ARFGEF2: variants seen among roughly 807,000 people sequenced by gnomAD.
The protein encoded by ARFGEF2 is ARF guanine nucleotide exchange factor 2.
ARFGEF2 carries 74 observed loss-of-function variants against 219.9 expected under a neutral mutation model. The observed-to-expected ratio is 0.34, with a 90% CI of 0.28 to 0.41. The LOEUF (loss-of-function observed/expected upper bound fraction) is 0.41, where lower values mean the gene tolerates loss of function less well. ARFGEF2 is among the 10% of genes least tolerant of loss of function. ARFGEF2 has a pLI of 1.00. For missense variants in ARFGEF2, 1,743 were observed against 2,218.3 expected, an observed-to-expected ratio of 0.79 and a Z score of 4.30; for synonymous variants, 733 against 799.2, an observed-to-expected ratio of 0.92 and a Z score of 1.40.
chr20:48,977,226 T>C (rs1028518191), intron 14 of ARFGEF2, among the ~76,000 whole-genome samples: 2 of 146,704 alleles, frequency 1.4e-5, no homozygotes, highest in Non-Finnish European at 3.0e-5. Context: ...GAAAACGTGG[T>C]GTTTGGTTTT....
intron 9 of ARFGEF2, among the ~76,000 whole-genome samples, chr20:48,969,700 A>G (rs2091213232): frequency 6.6e-6 from 1 of 152,178 alleles, no homozygotes; most frequent in African/African-American, 2.4e-5. Flanking sequence ...GAAGCCAAAC[A>G]TTTCTTTGTA....
At chr20:48,951,607 T>G (rs2091071407) in intron 4 of ARFGEF2, 138 bp downstream of exon 4, 2 of 1,215,312 alleles carry the variant, frequency 1.6e-6, no homozygotes, top group South Asian at 2.6e-5. Context: ...GTCACTTAGA[T>G]CTTTTGTTAG....
intron 1 of ARFGEF2, among the ~76,000 whole-genome samples, chr20:48,934,952 C>G (rs945978421): frequency 1.3e-5 from 2 of 152,190 alleles, no homozygotes; most frequent in African/African-American, 2.4e-5. Flanking sequence ...AATGGTTGAA[C>G]TAATTTACAC....
chr20:48,935,308 C>T (rs1237803165), intron 1 of ARFGEF2, among the ~76,000 whole-genome samples: 1 of 152,158 alleles, frequency 6.6e-6, no homozygotes, highest in South Asian at 2.1e-4. Context: ...AAGGAGCTTG[C>T]TGCCTTCAAG....
At chr20:48,980,430 A>G (rs922314492) in intron 14 of ARFGEF2, among the ~76,000 whole-genome samples, 11 of 149,666 alleles carry the variant, frequency 7.3e-5, no homozygotes, top group South Asian at 2.1e-4. Flanking sequence ...AATAAGTGCA[A>G]TGTGGTGCTG....
rs373500218 is a variant in ARFGEF2, at chr20:48,952,867, C to T, written c.586C>T (p.Arg196Cys). The change falls in exon 5 of 39, where the codon CGC (arginine) becomes TGC (cysteine). Residue 196 changes from arginine (R) to cysteine (C), a missense_variant. Physicochemically the swap from Arg to Cys is radical, Grantham distance 180. Around this residue, in one of 5 missense-constraint regions of ARFGEF2, gnomAD observed 394 missense variants for 426.6 expected, o/e 0.92. Coordinates refer to ENST00000371917, the MANE Select transcript of ARFGEF2 (RefSeq NM_006420.3). ...TCAGATGCTGAACGTCATTTTCACC[C>T]GCATGGAAAACCAAGTGGTGAGTGA... ...LTQMLNVIFT[R>C]MENQVLQEAR... The T allele has an allele frequency of 3.5e-5, 56 of 1,614,096 alleles. No homozygotes were observed. Among genetic ancestry groups the T allele is most frequent in the Non-Finnish European group, 4.5e-5 (53 of 1,180,046 alleles).
intron 4 of ARFGEF2, 136 bp from the exon 5 acceptor site, chr20:48,952,569 A>G: frequency 4.9e-6 from 4 of 824,142 alleles, no homozygotes; most frequent in South Asian, 1.5e-5. Context: ...TAATTTGCAG[A>G]GCCATCTTAC....
Position 49,033,478 on chromosome 20 carries a change from A to G in ARFGEF2, c.*279A>G. 1 of 428,788 alleles carries G rather than the reference A, an allele frequency of 2.3e-6. No homozygotes were observed. Among genetic ancestry groups the G allele is most frequent in the South Asian group, 3.0e-5 (1 of 33,720 alleles). The allele number at this position is 428,788 out of a possible 1,614,324, so 26.6% of individuals were successfully genotyped here. A position where few individuals can be genotyped will look rare whatever the true frequency, so the allele number is the denominator to read the frequency against. On this transcript the variant is annotated 3_prime_UTR_variant, in exon 39 of 39. Transcript: ENST00000371917. ...ATTAAACTGTCAAATCTGTCATTGC[A>G]TATGCCATCGTTTTCTAGCAAAATC...
chr20:49,010,509 T>G, intron 27 of ARFGEF2, 105 bp downstream of exon 27: 1 of 1,285,792 alleles, frequency 7.8e-7, no homozygotes, highest in Non-Finnish European at 1.1e-6. Flanking sequence ...ACCTTGGCTC[T>G]ACTGTGATAT....
chr20:48,936,344 G>A (rs1056964366), intron 1 of ARFGEF2, among the ~76,000 whole-genome samples: 1 of 151,302 alleles, frequency 6.6e-6, no homozygotes, highest in Admixed American at 6.6e-5. Flanking sequence ...GGCTGGGCGG[G>A]GGGCTGACCC....
intron 1 of ARFGEF2, among the ~76,000 whole-genome samples, chr20:48,927,002 G>A (rs2090881360): frequency 6.6e-6 from 1 of 152,188 alleles, no homozygotes; most frequent in South Asian, 2.1e-4. Flanking sequence ...CTGTGATGGA[G>A]GTGAAAGCCA....
At chr20:48,945,016 T>G (rs1568695845) in intron 3 of ARFGEF2, among the ~76,000 whole-genome samples, 1 of 152,102 alleles carries the variant, frequency 6.6e-6, no homozygotes, top group African/African-American at 2.4e-5. Flanking sequence ...TGGTTCCTGG[T>G]GAGGGTACAC....
At position 48,970,953 on chromosome 20, in the gene ARFGEF2, T is replaced by G. The variant is rs564547002; in HGVS notation, c.1191-167T>G. Among the ~76,000 whole-genome samples the G allele has an allele frequency of 2.6e-5, 4 of 152,342 alleles. No homozygotes were observed. In the East Asian group the frequency reaches 7.7e-4, roughly 29 times the overall value. ...CTCTTGTTCTCAAAGGGCCTGCGATTCCAGAAGGACCCAACTCATGCCATC... is the reference window on the plus strand; with the variant it reads ...CTCTTGTTCTCAAAGGGCCTGCGATGCCAGAAGGACCCAACTCATGCCATC... On this transcript the variant is annotated intron_variant, in intron 9 of 38. Coordinates refer to ENST00000371917, the MANE Select transcript of ARFGEF2 (RefSeq NM_006420.3).
intron 3 of ARFGEF2, among the ~76,000 whole-genome samples, chr20:48,950,012 C>T (rs1402856691): frequency 6.6e-6 from 1 of 152,126 alleles, no homozygotes; most frequent in Non-Finnish European, 1.5e-5. Flanking sequence ...AGGTCTGGGT[C>T]GGAGTCCAGG....
At chr20:48,947,684 G>A (rs949072513) in intron 3 of ARFGEF2, among the ~76,000 whole-genome samples, 2 of 152,060 alleles carry the variant, frequency 1.3e-5, no homozygotes, top group Non-Finnish European at 2.9e-5. Flanking sequence ...AACATGGGGT[G>A]CCTGTACTAA....
intron 21 of ARFGEF2, among the ~76,000 whole-genome samples, chr20:48,991,904 C>G (rs548643496): frequency 2.6e-5 from 4 of 152,306 alleles, no homozygotes; most frequent in Non-Finnish European, 5.9e-5. Flanking sequence ...AAGAAATGTT[C>G]TAGCCCCAAC....
At chr20:48,937,216 C>T (rs1252153863) in intron 1 of ARFGEF2, among the ~76,000 whole-genome samples, 1 of 152,184 alleles carries the variant, frequency 6.6e-6, no homozygotes, top group Non-Finnish European at 1.5e-5. Flanking sequence ...ATTGGTTTCC[C>T]TGCTTCTGTC....
intron 12 of ARFGEF2, among the ~76,000 whole-genome samples, chr20:48,974,266 C>T (rs1260550419): frequency 6.6e-6 from 1 of 151,642 alleles, no homozygotes; most frequent in African/African-American, 2.4e-5. Context: ...GCAGGGATTA[C>T]AGGTGCCTGC....
At chr20:48,946,014 C>T (rs1443334594) in intron 3 of ARFGEF2, among the ~76,000 whole-genome samples, 3 of 152,186 alleles carry the variant, frequency 2.0e-5, no homozygotes, top group Non-Finnish European at 4.4e-5. Context: ...TCGGTGCTCC[C>T]TGGGCTACTG....
Sources: allele counts gnomAD v4.1 joint callset (sites outside exome capture counted in the v4.1 genomes callset), GRCh38; gene constraint gnomAD v4.1.1; regional missense constraint gnomAD v4.1.1; transcripts MANE v1.5; gene names NCBI Gene and HGNC (gene_info 2026-07-23, HGNC 2026-07-21).